The following LIFR variants were observed in gnomAD, a reference collection of about 807,000 sequenced individuals.
LIFR encodes leukemia inhibitory factor receptor.
LIFR carries 84 observed loss-of-function variants against 122.2 expected under a neutral mutation model. The observed-to-expected ratio is 0.69, with a 90% CI of 0.58 to 0.82. LIFR has a LOEUF of 0.82. Ranked by LOEUF, LIFR falls within the 40% of genes least tolerant of loss-of-function variation. The probability of loss-of-function intolerance (pLI) is 0.00; values close to 1 mark genes in which losing one functional copy is unlikely to be tolerated. For synonymous variants in LIFR, 422 were observed against 434.7 expected (o/e 0.97, Z 0.36); for missense variants, 1,294 against 1,311.6 (o/e 0.99, Z 0.21).
chr5:38,489,315 A>G (rs1744449899), intron 15 of LIFR, 70 bp from the exon 16 acceptor site: 3 of 1,161,338 alleles, frequency 2.6e-6, no homozygotes, highest in Non-Finnish European at 3.8e-6. Context: ...ATGTTTCCTG[A>G]GCTTTCTAGC....
At chr5:38,515,365 T>C (rs1020830228) in intron 5 of LIFR, among the ~76,000 whole-genome samples, 1 of 151,644 alleles carries the variant, frequency 6.6e-6, no homozygotes, top group African/African-American at 2.4e-5. Context: ...ATAAAATTGA[T>C]AAAGTACTTA....
chr5:38,582,930 C>T (rs968222559), intron 1 of LIFR, among the ~76,000 whole-genome samples: 5 of 152,228 alleles, frequency 3.3e-5, no homozygotes, highest in African/African-American at 9.6e-5. Context: ...CTATCTTCAC[C>T]GTCCTCCAAC....
At chr5:38,539,287 G>A (rs2112603190) in intron 1 of LIFR, among the ~76,000 whole-genome samples, 1 of 152,266 alleles carries the variant, frequency 6.6e-6, no homozygotes, top group South Asian at 2.1e-4. Context: ...TGTCCAACCA[G>A]ACACAGTGCT....
chr5:38,485,154 T>A (rs1744216312), intron 17 of LIFR, among the ~76,000 whole-genome samples: 1 of 152,202 alleles, frequency 6.6e-6, no homozygotes, highest in Middle Eastern at 3.2e-3. Context: ...CTTGCACTAC[T>A]GGAAGTTTAA....
At chr5:38,601,598 C>T (rs7730265) in intron 2 of LIFR, among the ~76,000 whole-genome samples, 6,441 of 152,248 alleles carry the variant, frequency 0.042, 442 homozygotes, top group African/African-American at 0.15. Flanking sequence ...GATTTCCAGA[C>T]CACATTTCCA....
upstream of LIFR, among the ~76,000 whole-genome samples, chr5:38,598,077 TC>T (rs934130555): frequency 2.6e-5 from 4 of 151,876 alleles, no homozygotes; most frequent in African/African-American, 9.7e-5. Context: ...TCACCCACTT[TC>T]CCCAGCTGCA....
intron 1 of LIFR, among the ~76,000 whole-genome samples, chr5:38,534,132 G>A (rs1391816888): frequency 6.6e-6 from 1 of 152,140 alleles, no homozygotes; most frequent in African/African-American, 2.4e-5. Context: ...ATTCTTCCTA[G>A]TGTCCCTTTC....
chr5:38,493,543 C>T, intron 14 of LIFR, 63 bp downstream of exon 14: 1 of 1,474,268 alleles, frequency 6.8e-7, no homozygotes. Context: ...TGCACCCAGT[C>T]TTACGTGTTG....
chr5:38,604,830 G>A (rs60041155), intron 2 of LIFR, among the ~76,000 whole-genome samples: 6,209 of 152,222 alleles, frequency 0.041, 406 homozygotes, highest in African/African-American at 0.14. Context: ...ATACATTTTA[G>A]GGAGACAGGA....
intron 7 of LIFR, 76 bp downstream of exon 7, chr5:38,510,388 C>A (rs1745732244): frequency 3.6e-6 from 5 of 1,388,978 alleles, no homozygotes; most frequent in Non-Finnish European, 5.1e-6. Flanking sequence ...CACCCCCCCA[C>A]TCCAGAAGAA....
At chr5:38,510,164 C>G (rs1178893469) in intron 7 of LIFR, among the ~76,000 whole-genome samples, 1 of 152,052 alleles carries the variant, frequency 6.6e-6, no homozygotes, top group African/African-American at 2.4e-5. Flanking sequence ...AATATTATAT[C>G]CTATCCTTAA....
chr5:38,542,555 T>C (rs1747649310), intron 1 of LIFR, among the ~76,000 whole-genome samples: 1 of 152,148 alleles, frequency 6.6e-6, no homozygotes, highest in Non-Finnish European at 1.5e-5. Flanking sequence ...CAGTTTTGTA[T>C]GCCTAGAATC....
At chr5:38,559,984 A>G (rs997731222), upstream of LIFR, among the ~76,000 whole-genome samples, 1 of 152,238 alleles carries the variant, frequency 6.6e-6, no homozygotes, top group African/African-American at 2.4e-5. Context: ...TCTGGAAATG[A>G]AACGCTTTGT....
At chr5:38,604,223 C>T (rs1482868091) in intron 2 of LIFR, among the ~76,000 whole-genome samples, 3 of 152,060 alleles carry the variant, frequency 2.0e-5, no homozygotes, top group Non-Finnish European at 4.4e-5. Context: ...TTCGCTGCCT[C>T]TATCTAGAAG....
At chr5:38,534,494 T>C (rs1254658033) in intron 1 of LIFR, among the ~76,000 whole-genome samples, 6 of 152,178 alleles carry the variant, frequency 3.9e-5, no homozygotes, top group African/African-American at 9.7e-5. Context: ...AACTAGGACA[T>C]AGCTGCAGTA....
Position 38,521,003 on chromosome 5 carries a change from T to G in LIFR, c.561+2416A>C, listed in dbSNP as rs1046179858. Among the ~76,000 whole-genome samples, 10 of 152,314 alleles carry G rather than the reference T, an allele frequency of 6.6e-5. No individual in the cohort carries two copies. In the South Asian group the frequency reaches 1.0e-3, roughly 16 times the overall value. On this transcript the variant is annotated intron_variant, in intron 5 of 19. Transcript: ENST00000453190. ...ATTGGCATTTTTGTAGGGAATGCATTGAATCTAAATGTGCAGATTGCTTTG... is the reference window on the plus strand; with the variant it reads ...ATTGGCATTTTTGTAGGGAATGCATGGAATCTAAATGTGCAGATTGCTTTG...
At chr5:38,549,651 C>T (rs552227494) in intron 1 of LIFR, among the ~76,000 whole-genome samples, 63 of 152,072 alleles carry the variant, frequency 4.1e-4, no homozygotes, top group Non-Finnish European at 2.1e-4. Context: ...ATTAGCCGGG[C>T]GTGGTAGCGG....
chr5:38,559,593 G>A (rs192931111), upstream of LIFR, among the ~76,000 whole-genome samples: 167 of 152,248 alleles, frequency 1.1e-3, no homozygotes, highest in African/African-American at 3.8e-3. Flanking sequence ...ATCAGAACAA[G>A]AACGTACTTT....
intron 1 of LIFR, among the ~76,000 whole-genome samples, chr5:38,547,333 CCTAA>C (rs1747950868): frequency 6.6e-6 from 1 of 152,218 alleles, no homozygotes; most frequent in Middle Eastern, 3.4e-3. Context: ...TTGTTCTTCC[CCTAA>C]CTTACACCCT....
Sources: gnomAD v4.1 joint callset for allele counts (sites outside exome capture counted in the v4.1 genomes callset) on GRCh38, gnomAD v4.1.1 for gene constraint, MANE v1.5 for transcripts, NCBI Gene and HGNC (gene_info 2026-07-23, HGNC 2026-07-21) for gene names.